The following MGAT4C variants were observed in gnomAD, a reference collection of about 807,000 sequenced individuals.
The protein encoded by MGAT4C is alpha-1,3-mannosyl-glycoprotein 4-beta-N-acetylglucosaminyltransferase C.
In MGAT4C, 19 loss-of-function variants were observed where a neutral mutation model predicts 40.1. The observed-to-expected ratio is 0.47, with a 90% confidence interval of 0.33 to 0.70. The LOEUF (loss-of-function observed/expected upper bound fraction) is 0.70. MGAT4C is among the 30% of genes least tolerant of loss of function. The pLI is 0.02. For synonymous variants in MGAT4C, 181 were observed against 187.1 expected (o/e 0.97, Z 0.27); for missense variants, 491 against 563.2 (o/e 0.87, Z 1.30).
chr12:86,428,072 C>A (rs1180661877), intron 3 of MGAT4C, among the ~76,000 whole-genome samples: 8 of 151,896 alleles, frequency 5.3e-5, no homozygotes, highest in Non-Finnish European at 1.0e-4. Flanking sequence ...ACAAAAAAAC[C>A]CGCTAATATA....
chr12:86,789,659 T>G (rs1476235400), intron 1 of MGAT4C, among the ~76,000 whole-genome samples: 1 of 152,124 alleles, frequency 6.6e-6, no homozygotes, highest in African/African-American at 2.4e-5. Flanking sequence ...TGAATGGTAC[T>G]CGTTCCTGTA....
chr12:86,637,715 C>A (rs1023415370), intron 2 of MGAT4C, among the ~76,000 whole-genome samples: 1 of 151,708 alleles, frequency 6.6e-6, no homozygotes, highest in African/African-American at 2.4e-5. Context: ...CATTTTAAAT[C>A]TCATTTTTCC....
At chr12:86,040,417 A>G (rs1256974295) in intron 2 of MGAT4C, among the ~76,000 whole-genome samples, 3 of 152,112 alleles carry the variant, frequency 2.0e-5, no homozygotes, top group East Asian at 1.9e-4. Context: ...CCTTTTTTTC[A>G]GAGATGCCCT....
intron 1 of MGAT4C, among the ~76,000 whole-genome samples, chr12:86,050,397 G>T (rs1892788140): frequency 6.6e-6 from 1 of 151,896 alleles, no homozygotes; most frequent in African/African-American, 2.4e-5. Context: ...AAAATTATGT[G>T]TATTTTCTTT....
At chr12:86,031,173 C>T (rs900381590) in intron 2 of MGAT4C, among the ~76,000 whole-genome samples, 5 of 151,420 alleles carry the variant, frequency 3.3e-5, no homozygotes, top group African/African-American at 1.2e-4. Context: ...GTATGAAATA[C>T]ATGCATCTTA....
chr12:86,325,883 GA>G (rs66524535), intron 4 of MGAT4C, among the ~76,000 whole-genome samples: 96,682 of 149,336 alleles, frequency 0.65, 31,923 homozygotes, highest in South Asian at 0.77. Flanking sequence ...TCTCCAAAAA[GA>G]AAAAAAAAAA....
chr12:86,219,166 G>A (rs1221652389), intron 1 of MGAT4C, among the ~76,000 whole-genome samples: 1 of 151,996 alleles, frequency 6.6e-6, no homozygotes. Flanking sequence ...ATGACAGAGT[G>A]AGACTCCATC....
At position 86,684,891 on chromosome 12, in the gene MGAT4C, T is replaced by A. The variant is rs117048827; in HGVS notation, c.-229+42318A>T. Among the ~76,000 whole-genome samples, 2,694 of 152,280 alleles carry A rather than the reference T, an allele frequency of 0.018. 141 individuals carry two copies. In the East Asian group the frequency reaches 0.19, roughly 11 times the overall value. ...AACTTTTTGATGGGTTTTTTGTTTT[T>A]TTCTGGTGAATTTGTTTAAGTTCCT... On this transcript the variant is annotated intron_variant, in intron 2 of 7. Coordinates refer to the MGAT4C transcript ENST00000548651.
intron 2 of MGAT4C, among the ~76,000 whole-genome samples, chr12:86,032,855 A>G (rs1049051975): frequency 6.7e-6 from 1 of 149,864 alleles, no homozygotes; most frequent in Non-Finnish European, 1.5e-5. Context: ...TATGTCCAGA[A>G]TGGTATTTCC....
chr12:86,053,935 A>G (rs1893135697), intron 1 of MGAT4C, among the ~76,000 whole-genome samples: 1 of 152,012 alleles, frequency 6.6e-6, no homozygotes, highest in Non-Finnish European at 1.5e-5. Context: ...AAAAAAGATG[A>G]AAAATAAGTG....
chr12:86,113,520 G>A (rs1447007330), intron 1 of MGAT4C, among the ~76,000 whole-genome samples: 1 of 151,692 alleles, frequency 6.6e-6, no homozygotes, highest in Non-Finnish European at 1.5e-5. Context: ...AAAAATTAAA[G>A]CATAAAAAAG....
chr12:86,790,937 T>C (rs555475602), intron 1 of MGAT4C, among the ~76,000 whole-genome samples: 2 of 152,222 alleles, frequency 1.3e-5, no homozygotes, highest in South Asian at 4.2e-4. Flanking sequence ...AAAAAAGCAC[T>C]GTATAACCAA....
upstream of MGAT4C, among the ~76,000 whole-genome samples, chr12:86,257,919 T>C (rs1022597792): frequency 3.3e-5 from 5 of 152,052 alleles, no homozygotes; most frequent in Admixed American, 2.0e-4. Context: ...AGAGTGGTAA[T>C]GCTACATACA....
chr12:86,212,291 T>C (rs1046942502), intron 1 of MGAT4C, among the ~76,000 whole-genome samples: 2 of 152,168 alleles, frequency 1.3e-5, no homozygotes, highest in African/African-American at 2.4e-5. Flanking sequence ...GGGTATTACA[T>C]TGAACTTCTT....
chr12:86,374,303 G>T (rs1483960676), intron 3 of MGAT4C, among the ~76,000 whole-genome samples: 1 of 152,086 alleles, frequency 6.6e-6, no homozygotes, highest in Non-Finnish European at 1.5e-5. Context: ...TTCTGAAAAA[G>T]TATGTTGAAA....
intron 2 of MGAT4C, among the ~76,000 whole-genome samples, chr12:86,458,502 T>C (rs932996274): frequency 6.6e-6 from 1 of 152,200 alleles, no homozygotes; most frequent in African/African-American, 2.4e-5. Flanking sequence ...ATTCTCCATT[T>C]GGAAGAATGG....
chr12:86,405,286 A>C (rs1956441885), intron 3 of MGAT4C, among the ~76,000 whole-genome samples: 1 of 152,052 alleles, frequency 6.6e-6, no homozygotes, highest in Admixed American at 6.6e-5. Context: ...AGAACTAATA[A>C]GTGAGTACAG....
chr12:86,614,214 C>T (rs998172369), intron 2 of MGAT4C, among the ~76,000 whole-genome samples: 2 of 152,096 alleles, frequency 1.3e-5, no homozygotes, highest in Non-Finnish European at 2.9e-5. Flanking sequence ...TTATGATAGG[C>T]TGCTCTGTAA....
At chr12:86,834,321 C>T (rs1356455333) in intron 1 of MGAT4C, among the ~76,000 whole-genome samples, 1 of 151,556 alleles carries the variant, frequency 6.6e-6, no homozygotes, top group African/African-American at 2.4e-5. Flanking sequence ...GTCAAAGGGG[C>T]AGGGTTTAAT....
Sources: gnomAD v4.1 joint callset for allele counts (sites outside exome capture counted in the v4.1 genomes callset) on GRCh38, gnomAD v4.1.1 for gene constraint, MANE v1.5 for transcripts, NCBI Gene and HGNC (gene_info 2026-07-23, HGNC 2026-07-21) for gene names.